CAMTA1: variants seen among roughly 807,000 people sequenced by gnomAD.
CAMTA1 encodes the protein calmodulin binding transcription activator 1, also known as calmodulin-binding transcription activator 1.
CAMTA1 carries 27 observed loss-of-function variants against 170.9 expected under a neutral mutation model. The observed-to-expected ratio is 0.16, with a 90% CI of 0.12 to 0.22. The LOEUF is 0.22. Among genes scored for constraint, CAMTA1 ranks in the 10% least tolerant of loss-of-function variants. CAMTA1 has a pLI of 1.00. For missense variants in CAMTA1, 1,619 were observed against 2,217.2 expected (o/e 0.73, Z 5.42); for synonymous variants, 833 against 891.5 (o/e 0.93, Z 1.17).
intron 5 of CAMTA1, among the ~76,000 whole-genome samples, chr1:7,428,460 C>G (rs920733472): frequency 1.3e-5 from 2 of 152,076 alleles, no homozygotes; most frequent in Non-Finnish European, 2.9e-5. Context: ...GATTGTGTGG[C>G]TCTCATGACC....
chr1:6,786,085 C>T (rs1028089005), intron 1 of CAMTA1, among the ~76,000 whole-genome samples: 14 of 151,954 alleles, frequency 9.2e-5, no homozygotes, highest in Non-Finnish European at 1.5e-4. Flanking sequence ...CCCTCGCCGG[C>T]CCCCTGCTCT....
chr1:6,977,938 G>A (rs565110720), intron 3 of CAMTA1, among the ~76,000 whole-genome samples: 2 of 152,284 alleles, frequency 1.3e-5, no homozygotes, highest in Admixed American at 1.3e-4. Flanking sequence ...ATTATGTTAA[G>A]TGAAATAAAC....
intron 2 of CAMTA1, among the ~76,000 whole-genome samples, chr1:6,823,604 G>C (rs1646773491): frequency 6.6e-6 from 1 of 152,020 alleles, no homozygotes; most frequent in Non-Finnish European, 1.5e-5. Context: ...ATATGATGTA[G>C]TAAATTTTTT....
intron 3 of CAMTA1, among the ~76,000 whole-genome samples, chr1:6,909,925 G>T (rs2149264651): frequency 6.6e-6 from 1 of 152,332 alleles, no homozygotes; most frequent in African/African-American, 2.4e-5. Context: ...GCCTCTGCAT[G>T]TACTTAGGCT....
At chr1:7,011,785 C>T (rs1304087061) in intron 3 of CAMTA1, among the ~76,000 whole-genome samples, 1 of 152,226 alleles carries the variant, frequency 6.6e-6, no homozygotes, top group Non-Finnish European at 1.5e-5. Context: ...GTCCGCAGTG[C>T]CAGCTCAGAG....
At chr1:6,862,892 A>G (rs1665264049) in intron 3 of CAMTA1, among the ~76,000 whole-genome samples, 2 of 152,242 alleles carry the variant, frequency 1.3e-5, no homozygotes, top group Non-Finnish European at 2.9e-5. Flanking sequence ...AGCTTAATCA[A>G]ATAATCTCAT....
At chr1:7,424,962 G>A (rs570084631) in intron 5 of CAMTA1, among the ~76,000 whole-genome samples, 18 of 152,280 alleles carry the variant, frequency 1.2e-4, no homozygotes, top group South Asian at 6.2e-4. Context: ...GCATAGGGAG[G>A]GAGGGAGGCA....
At chr1:7,178,744 G>T (rs750368886) in intron 4 of CAMTA1, among the ~76,000 whole-genome samples, 1 of 152,224 alleles carries the variant, frequency 6.6e-6, no homozygotes, top group Non-Finnish European at 1.5e-5. Flanking sequence ...AGAGCTCCCT[G>T]TAGCTGTTCT....
chr1:7,306,072 G>T (rs1028167284), intron 5 of CAMTA1, among the ~76,000 whole-genome samples: 3 of 151,972 alleles, frequency 2.0e-5, no homozygotes, highest in African/African-American at 7.2e-5. Flanking sequence ...TCTGTAACTT[G>T]TCTGTTCATT....
chr1:7,556,676 A>G (rs1320912258), intron 6 of CAMTA1, among the ~76,000 whole-genome samples: 1 of 152,024 alleles, frequency 6.6e-6, no homozygotes, highest in Non-Finnish European at 1.5e-5. Context: ...CAGGTGTGGA[A>G]TGCACTCAAT....
intron 3 of CAMTA1, among the ~76,000 whole-genome samples, chr1:6,836,908 G>A (rs937899915): frequency 5.9e-5 from 9 of 151,892 alleles, no homozygotes; most frequent in African/African-American, 1.4e-4. Context: ...ACAACATTCC[G>A]AAATTCTGTG....
At chr1:6,873,976 AG>A (rs1367553134) in intron 3 of CAMTA1, 1 of 152,246 alleles carries the variant, frequency 6.6e-6, no homozygotes, top group Non-Finnish European at 1.5e-5. Context: ...AGACTTCAGA[AG>A]ACTTTCATTT....
chr1:6,920,177 G>A (rs1681700139), intron 3 of CAMTA1, among the ~76,000 whole-genome samples: 1 of 152,186 alleles, frequency 6.6e-6, no homozygotes, highest in Non-Finnish European at 1.5e-5. Context: ...TGCTTCGGGG[G>A]TACATGTATT....
At chr1:7,706,083 T>A (rs935841318) in intron 11 of CAMTA1, among the ~76,000 whole-genome samples, 1 of 152,220 alleles carries the variant, frequency 6.6e-6, no homozygotes, top group East Asian at 1.9e-4. Flanking sequence ...CAGAATAGAT[T>A]TCTGAAATGA....
chr1:7,073,566 G>C (rs914792823), intron 3 of CAMTA1, among the ~76,000 whole-genome samples: 6 of 152,294 alleles, frequency 3.9e-5, no homozygotes, highest in African/African-American at 1.2e-4. Flanking sequence ...AGAAGCAACA[G>C]CCAGAGAAAG....
At chr1:7,468,000 G>A (rs971882032) in intron 6 of CAMTA1, 99 bp downstream of exon 6, 78 of 963,638 alleles carry the variant, frequency 8.1e-5, no homozygotes, top group South Asian at 3.6e-4. Flanking sequence ...ACACGGCTTC[G>A]GGCTGAGAGC....
intron 6 of CAMTA1, among the ~76,000 whole-genome samples, chr1:7,616,801 G>A (rs1297021356): frequency 6.6e-6 from 1 of 152,218 alleles, no homozygotes; most frequent in Non-Finnish European, 1.5e-5. Flanking sequence ...GAGCGCAGAA[G>A]CTGGAGGAAC....
At chr1:6,825,984 C>T (rs1647056953) in intron 3 of CAMTA1, among the ~76,000 whole-genome samples, 1 of 152,124 alleles carries the variant, frequency 6.6e-6, no homozygotes, top group African/African-American at 2.4e-5. Flanking sequence ...GCTGGGGTTG[C>T]TGGTTTTGCC....
intron 5 of CAMTA1, among the ~76,000 whole-genome samples, chr1:7,294,234 A>C (rs1673590858): frequency 6.6e-6 from 1 of 152,100 alleles, no homozygotes; most frequent in Non-Finnish European, 1.5e-5. Context: ...TTCAGCCAGG[A>C]TGTGGCCCTT....
Sources: allele counts gnomAD v4.1 joint callset (sites outside exome capture counted in the v4.1 genomes callset), GRCh38; gene constraint gnomAD v4.1.1; transcripts MANE v1.5; gene names NCBI Gene and HGNC (gene_info 2026-07-23, HGNC 2026-07-21).